CD2AP: variants seen among roughly 807,000 people sequenced by gnomAD.
CD2AP encodes CD2 associated protein, also known as CD2-associated protein.
In CD2AP, 46 loss-of-function variants were observed where a neutral mutation model predicts 85.1. That is an observed-to-expected ratio of 0.54 (90% CI 0.43 to 0.69). The LOEUF (loss-of-function observed/expected upper bound fraction) is 0.69, where lower values mean the gene tolerates loss of function less well. CD2AP is among the 30% of genes least tolerant of loss of function. The pLI, the probability that CD2AP is intolerant of heterozygous loss-of-function variation, is 0.00. For synonymous variants in CD2AP, 255 were observed against 252.9 expected (o/e 1.01, Z -0.08); for missense variants, 769 against 729.5 (o/e 1.05, Z -0.62).
At chr6:47,615,340 C>T (rs1381108665) in intron 17 of CD2AP, among the ~76,000 whole-genome samples, 1 of 152,148 alleles carries the variant, frequency 6.6e-6, no homozygotes, top group Non-Finnish European at 1.5e-5. Flanking sequence ...TTAGGCTACT[C>T]TTGCATTGCT....
At chr6:47,523,799 A>G (rs1420412039) in intron 2 of CD2AP, among the ~76,000 whole-genome samples, 1 of 152,208 alleles carries the variant, frequency 6.6e-6, no homozygotes, top group Non-Finnish European at 1.5e-5. Context: ...AATGCCCTAT[A>G]ACAATGTGAC....
Position 47,595,945 on chromosome 6 carries a change from C to A in CD2AP, c.1193C>A (p.Ala398Asp). The A allele has an allele frequency of 6.2e-7, 1 of 1,612,584 alleles. No homozygotes were observed. Among genetic ancestry groups the A allele is most frequent in the African/African-American group, 1.3e-5 (1 of 74,978 alleles). The change falls in exon 12 of 18, where the codon GCC becomes GAC. Residue 398 changes from alanine to aspartate, a missense_variant. By Grantham distance (126) the Ala-to-Asp change is moderately radical. Coordinates refer to ENST00000359314, the MANE Select transcript of CD2AP (RefSeq NM_012120.3). Reference protein sequence around the residue: ...PPKKPTPPTKASNLLRSSGTV... With the variant: ...PPKKPTPPTKDSNLLRSSGTV... ...AAGAAACCTACTCCACCTACCAAAG[C>A]CAGTAATTTACTGAGATCTTCTGGA...
At chr6:47,563,116 G>T (rs1190026264) in intron 5 of CD2AP, 1 of 204,740 alleles carries the variant, frequency 4.9e-6, no homozygotes, top group Non-Finnish European at 1.0e-5. Flanking sequence ...AAAGGAAGAA[G>T]TGGAAGCTAT....
intron 5 of CD2AP, among the ~76,000 whole-genome samples, chr6:47,567,509 G>T (rs889525057): frequency 6.6e-6 from 1 of 152,080 alleles, no homozygotes; most frequent in Non-Finnish European, 1.5e-5. Context: ...CATTGGGAAA[G>T]AAAAGATGAT....
chr6:47,520,978 G>GTTCCTCAGATTCTGAGGAAC, intron 2 of CD2AP, among the ~76,000 whole-genome samples: 1 of 152,030 alleles, frequency 6.6e-6, no homozygotes, highest in Admixed American at 6.6e-5. Flanking sequence ...CTGCCATGTT[G>GTTCCTCAGATTCTGAGGAAC]TTCCTCAGAT....
chr6:47,614,872 G>C (rs1335501821), intron 17 of CD2AP, among the ~76,000 whole-genome samples: 1 of 152,190 alleles, frequency 6.6e-6, no homozygotes, highest in Non-Finnish European at 1.5e-5. Context: ...TAGATTCACT[G>C]CCTCCCATTT....
intron 2 of CD2AP, among the ~76,000 whole-genome samples, chr6:47,512,780 C>G (rs919468073): frequency 3.9e-5 from 6 of 152,236 alleles, no homozygotes; most frequent in Non-Finnish European, 8.8e-5. Context: ...TCTTCCTTTG[C>G]AGGACCACCT....
chr6:47,597,039 G>C (rs1016841828), intron 12 of CD2AP, among the ~76,000 whole-genome samples: 1 of 139,064 alleles, frequency 7.2e-6, no homozygotes, highest in Non-Finnish European at 1.7e-5. Flanking sequence ...GCAGGTTCTG[G>C]GAATTTTATT....
chr6:47,482,355 C>T (rs564960822), intron 1 of CD2AP, among the ~76,000 whole-genome samples: 11 of 150,228 alleles, frequency 7.3e-5, no homozygotes, highest in Non-Finnish European at 1.0e-4. Flanking sequence ...AGAAATGAGC[C>T]GGAAGTTTGC....
intron 4 of CD2AP, among the ~76,000 whole-genome samples, chr6:47,552,990 A>T (rs1582550396): frequency 4.0e-5 from 6 of 148,316 alleles, no homozygotes; most frequent in Non-Finnish European, 1.5e-5. Context: ...GGGGGGGAGC[A>T]TTTTTTTTTT....
intron 15 of CD2AP, among the ~76,000 whole-genome samples, chr6:47,608,287 G>A (rs1236395769): frequency 2.6e-5 from 4 of 151,870 alleles, no homozygotes; most frequent in Non-Finnish European, 4.4e-5. Context: ...CATCTATTTC[G>A]TTTCTCCATT....
intron 1 of CD2AP, among the ~76,000 whole-genome samples, chr6:47,487,316 T>C (rs1765585114): frequency 6.6e-6 from 1 of 152,196 alleles, no homozygotes; most frequent in Non-Finnish European, 1.5e-5. Flanking sequence ...TCTCACAAAA[T>C]TATTCTAAAT....
chr6:47,478,078 G>A lies in CD2AP; in HGVS notation c.-167G>A, dbSNP rs566721596. 2 of 840,836 alleles carry A rather than the reference G, an allele frequency of 2.4e-6. No individual in the cohort carries two copies. Among genetic ancestry groups the A allele is most frequent in the Admixed American group, 2.3e-5 (1 of 44,004 alleles). 52.1% of individuals were successfully genotyped at this position (840,836 alleles called of 1,614,324 possible). A position where few individuals can be genotyped will look rare whatever the true frequency, so the allele number is the denominator to read the frequency against. ...AGGGCCGCGCTGAAGAGACTGGTAG[G>A]AGAGCGCCGCGGGCGGATGGAGGCG... is the stretch of plus-strand genomic sequence containing the variant. On this transcript the variant is annotated 5_prime_UTR_variant, in exon 1 of 18. Coordinates refer to ENST00000359314, the MANE Select transcript of CD2AP (RefSeq NM_012120.3).
intron 1 of CD2AP, 22 bp downstream of exon 1, chr6:47,478,270 C>T (rs1327162533): frequency 1.3e-6 from 2 of 1,567,560 alleles, no homozygotes; most frequent in Non-Finnish European, 8.6e-7. Context: ...GGGCGCTTCC[C>T]GCCGCCCGTC....
intron 5 of CD2AP, among the ~76,000 whole-genome samples, chr6:47,573,484 GTTT>G (rs765430650): frequency 2.3e-4 from 22 of 94,720 alleles, no homozygotes; most frequent in African/African-American, 9.4e-4. Flanking sequence ...CATGCTGTGT[GTTT>G]TTTTTTTTTT....
chr6:47,588,836 C>G (rs1009045375), intron 11 of CD2AP, among the ~76,000 whole-genome samples: 5 of 152,108 alleles, frequency 3.3e-5, no homozygotes, highest in Non-Finnish European at 5.9e-5. Flanking sequence ...AGGAAAACCT[C>G]TCCCCAACCA....
intron 1 of CD2AP, among the ~76,000 whole-genome samples, chr6:47,491,271 A>ATGTGTG (rs57447174): frequency 1.6e-4 from 20 of 122,576 alleles, no homozygotes; most frequent in South Asian, 8.8e-4. Context: ...GTGTGTGTGT[A>ATGTGTG]TGTGTGTGTG....
intron 11 of CD2AP, among the ~76,000 whole-genome samples, chr6:47,586,188 A>C (rs1768625941): frequency 6.6e-6 from 1 of 152,178 alleles, no homozygotes. Context: ...GGTAGAAGAA[A>C]ATGTGAACAT....
intron 1 of CD2AP, among the ~76,000 whole-genome samples, chr6:47,484,945 G>T (rs1765529647): frequency 6.6e-6 from 1 of 152,120 alleles, no homozygotes; most frequent in East Asian, 1.9e-4. Context: ...AATGAAGCTA[G>T]AAAATTCCTC....
Sources: allele counts gnomAD v4.1 joint callset (sites outside exome capture counted in the v4.1 genomes callset), GRCh38; gene constraint gnomAD v4.1.1; transcripts MANE v1.5; gene names NCBI Gene and HGNC (gene_info 2026-07-23, HGNC 2026-07-21).